PPP2R5E: variants seen among roughly 807,000 people sequenced by gnomAD.
The protein encoded by PPP2R5E is serine/threonine-protein phosphatase 2A 56 kDa regulatory subunit epsilon isoform.
PPP2R5E carries 4 observed loss-of-function variants against 65.3 expected under a neutral mutation model. That is an observed-to-expected ratio of 0.06 (90% CI 0.03 to 0.14). The LOEUF (loss-of-function observed/expected upper bound fraction) is 0.14, where lower values mean the gene tolerates loss of function less well. Ranked by LOEUF, PPP2R5E falls within the 10% of genes least tolerant of loss-of-function variation. The pLI is 1.00. For synonymous variants in PPP2R5E, 183 were observed against 187.4 expected, an observed-to-expected ratio of 0.98 and a Z score of 0.19; for missense variants, 274 against 556.1, an observed-to-expected ratio of 0.49 and a Z score of 5.10.
intron 2 of PPP2R5E, among the ~76,000 whole-genome samples, chr14:63,520,860 A>G (rs2139724700): frequency 1.8e-5 from 1 of 55,928 alleles, no homozygotes; most frequent in Middle Eastern, 6.6e-3. Flanking sequence ...CTAAAAATAC[A>G]AAAAAAAAAA....
intron 2 of PPP2R5E, among the ~76,000 whole-genome samples, chr14:63,526,794 C>A (rs187237567): frequency 3.3e-5 from 5 of 152,232 alleles, no homozygotes; most frequent in Non-Finnish European, 5.9e-5. Context: ...TGGGCTCAAG[C>A]GATCCTCCCA....
At chr14:63,376,406 CAAGAAAA>C (rs1883986257) in intron 13 of PPP2R5E, among the ~76,000 whole-genome samples, 1 of 152,094 alleles carries the variant, frequency 6.6e-6, no homozygotes, top group Non-Finnish European at 1.5e-5. Context: ...TATAGTAGGT[CAAGAAAA>C]TATATCTGCT....
chr14:63,397,553 G>A (rs61995003), intron 5 of PPP2R5E, among the ~76,000 whole-genome samples: 10,252 of 107,188 alleles, frequency 0.096, 502 homozygotes, highest in East Asian at 0.29. Context: ...AGCTCTACTA[G>A]AACATCTAGG....
At chr14:63,533,313 G>A (rs1893514197) in intron 2 of PPP2R5E, among the ~76,000 whole-genome samples, 1 of 152,196 alleles carries the variant, frequency 6.6e-6, no homozygotes, top group Non-Finnish European at 1.5e-5. Context: ...TGTAATCCCA[G>A]CACTTTGGGA....
chr14:63,503,801 T>C (rs1346810811), intron 2 of PPP2R5E, among the ~76,000 whole-genome samples: 1 of 152,014 alleles, frequency 6.6e-6, no homozygotes, highest in East Asian at 1.9e-4. Context: ...ATTTAAGAGG[T>C]TCCGATGGCA....
chr14:63,423,537 C>T (rs1887159164), intron 3 of PPP2R5E, among the ~76,000 whole-genome samples: 1 of 152,102 alleles, frequency 6.6e-6, no homozygotes, highest in South Asian at 2.1e-4. Flanking sequence ...CTCCTAATGA[C>T]CCAAACATAA....
chr14:63,538,116 T>A (rs985611874), intron 2 of PPP2R5E, among the ~76,000 whole-genome samples: 3 of 152,052 alleles, frequency 2.0e-5, no homozygotes, highest in Non-Finnish European at 1.5e-5. Flanking sequence ...ACTCCATCTC[T>A]ACAAAAAAAT....
At chr14:63,418,505 T>C (rs1038825648) in intron 4 of PPP2R5E, among the ~76,000 whole-genome samples, 1 of 152,192 alleles carries the variant, frequency 6.6e-6, no homozygotes, top group Non-Finnish European at 1.5e-5. Flanking sequence ...AGAGAAAGAC[T>C]GGGGGCTGGG....
At position 63,539,653 on chromosome 14, in the gene PPP2R5E, C is replaced by T; in HGVS notation, c.33G>A (p.Val11=). 1 of 1,613,924 alleles carries T rather than the reference C, an allele frequency of 6.2e-7. No homozygotes were observed. Among genetic ancestry groups the T allele is most frequent in the Non-Finnish European group, 8.5e-7 (1 of 1,179,908 alleles). The change falls in exon 2 of 14, where the codon GTG becomes GTA. Residue 11 remains valine (V), a synonymous_variant. Transcript: ENST00000337537. MSSAPTTPPS[V]DKVDGFSRKS... is the part of the protein sequence containing the mutation. ...TCCGAGAAAATCCGTCTACTTTATC[C>T]ACTGATGGAGGAGTAGTTGGTGCTG...
At chr14:63,490,766 C>G (rs1022188978) in intron 2 of PPP2R5E, among the ~76,000 whole-genome samples, 1 of 151,998 alleles carries the variant, frequency 6.6e-6, no homozygotes, top group Admixed American at 6.6e-5. Context: ...GAAAAAGGAA[C>G]GCTCATACAC....
chr14:63,483,246 G>C (rs866232208), intron 2 of PPP2R5E, among the ~76,000 whole-genome samples: 4 of 152,080 alleles, frequency 2.6e-5, no homozygotes, highest in African/African-American at 7.2e-5. Flanking sequence ...ACATGGGGAG[G>C]GGGGGTCACA....
intron 3 of PPP2R5E, among the ~76,000 whole-genome samples, chr14:63,437,530 A>G (rs542846424): frequency 6.6e-6 from 1 of 152,144 alleles, no homozygotes; most frequent in South Asian, 2.1e-4. Context: ...ACAAAACTTA[A>G]TTTTCCAACA....
chr14:63,402,444 C>G (rs774656891), intron 5 of PPP2R5E, among the ~76,000 whole-genome samples: 1 of 152,102 alleles, frequency 6.6e-6, no homozygotes, highest in Non-Finnish European at 1.5e-5. Context: ...GATATTTTAA[C>G]ATAAAAGACC....
At chr14:63,407,549 TA>T (rs1456359166) in intron 5 of PPP2R5E, among the ~76,000 whole-genome samples, 2 of 125,088 alleles carry the variant, frequency 1.6e-5, no homozygotes, top group Admixed American at 6.9e-5. Context: ...CATATATGCT[TA>T]TTTTTTTTAT....
intron 2 of PPP2R5E, among the ~76,000 whole-genome samples, chr14:63,507,825 A>T (rs962286028): frequency 5.9e-5 from 9 of 152,070 alleles, no homozygotes; most frequent in Non-Finnish European, 8.8e-5. Flanking sequence ...TGATCCGCCC[A>T]CCTCGGCCTC....
intron 7 of PPP2R5E, 124 bp downstream of exon 7, chr14:63,395,102 A>C (rs1885244096): frequency 2.7e-6 from 2 of 743,936 alleles, no homozygotes; most frequent in African/African-American, 3.6e-5. Context: ...GCTAATAGGC[A>C]CAAATGAGAG....
chr14:63,400,397 C>T (rs764046096), intron 5 of PPP2R5E, among the ~76,000 whole-genome samples: 3 of 152,026 alleles, frequency 2.0e-5, no homozygotes, highest in South Asian at 2.1e-4. Context: ...CCAGGCTGAC[C>T]GATGAAGAAA....
In PPP2R5E at chr14:63,404,169, T is replaced by C. The variant is rs571255521; in HGVS notation, c.550-7453A>G. On this transcript the variant is annotated intron_variant, in intron 5 of 13. Coordinates refer to ENST00000337537, the MANE Select transcript of PPP2R5E (RefSeq NM_006246.5). ...TATAAACATATTGGAATTTTAAAAGTAGGCATTATCAAAACTATTTTTAAA... is the reference window on the plus strand; with the variant it reads ...TATAAACATATTGGAATTTTAAAAGCAGGCATTATCAAAACTATTTTTAAA... 1.3e-4 allele frequency among the ~76,000 whole-genome samples: 20 copies of C among 152,310 alleles called. No homozygotes were observed. The South Asian group carries it at 4.1e-3, about 32-fold the overall frequency.
chr14:63,392,496 G>A (rs1416785444), intron 8 of PPP2R5E, among the ~76,000 whole-genome samples: 9 of 152,180 alleles, frequency 5.9e-5, no homozygotes, highest in African/African-American at 2.2e-4. Context: ...GCAGTTTCAC[G>A]AGGAGATAAA....
Sources: allele counts gnomAD v4.1 joint callset (sites outside exome capture counted in the v4.1 genomes callset), GRCh38; gene constraint gnomAD v4.1.1; transcripts MANE v1.5; gene names NCBI Gene and HGNC (gene_info 2026-07-23, HGNC 2026-07-21).